Variants in GNG2 observed in about 807,000 individuals in gnomAD.
GNG2 encodes the protein G protein subunit gamma 2.
A neutral mutation model predicts 5.5 loss-of-function variants in GNG2; 5 were observed. That is an observed-to-expected ratio of 0.91 (90% CI 0.48 to 1.92). The LOEUF (loss-of-function observed/expected upper bound fraction) is 1.92. Among genes scored for constraint, GNG2 ranks in the 30% most tolerant of loss-of-function variants. The probability of loss-of-function intolerance (pLI) is 0.01; values close to 1 mark genes in which losing one functional copy is unlikely to be tolerated. For missense variants in GNG2, 55 were observed against 88.4 expected, an observed-to-expected ratio of 0.62 and a Z score of 1.52; for synonymous variants, 28 against 32.0, an observed-to-expected ratio of 0.88 and a Z score of 0.42.
At chr14:51,914,212 C>A in intron 2 of GNG2, 4 of 701,914 alleles carry the variant, frequency 5.7e-6, no homozygotes, top group Non-Finnish European at 1.0e-5. Context: ...TGGAGGCTGC[C>A]AGAAATGACT....
In GNG2 at chr14:51,840,825, CAGTT is replaced by C. The variant is rs1048834808; in HGVS notation, c.64+13024_64+13027del. Reference sequence around the variant, plus strand: ...GACAACCCCCTTCTTTCTTTTATATCAGTTAGTTATGTTAGATAAGCAAATCCCT... The same window carrying C: ...GACAACCCCCTTCTTTCTTTTATATCAGTTATGTTAGATAAGCAAATCCCT... On this transcript the variant is annotated intron_variant, in intron 2 of 3. Coordinates refer to the GNG2 transcript ENST00000553432. Among the ~76,000 whole-genome samples, 6 of 152,270 alleles carry C rather than the reference CAGTT, an allele frequency of 3.9e-5. No homozygotes were observed. In the East Asian group the frequency reaches 9.6e-4, roughly 24 times the overall value.
rs1011794044 is a variant in GNG2, at chr14:51,948,982, G to A, written c.-29-1668G>A. Among the ~76,000 whole-genome samples, 3 of 152,052 alleles carry A rather than the reference G, an allele frequency of 2.0e-5. No individual in the cohort carries two copies. In the East Asian group the frequency reaches 5.8e-4, roughly 29 times the overall value. ...TAAAAATACAAAAAATTAGCCAGGT[G>A]TGGTGGCGGGCACCTGTAGTCCCAG... On this transcript the variant is annotated intron_variant, in intron 2 of 3. Transcript: ENST00000556766.
chr14:51,890,388 A>G (rs1341868220), intron 2 of GNG2, among the ~76,000 whole-genome samples: 1 of 152,184 alleles, frequency 6.6e-6, no homozygotes, highest in Non-Finnish European at 1.5e-5. Flanking sequence ...GGTGTCATTT[A>G]GTTTAAATCT....
rs956586647 is a variant in GNG2 at position 51,928,030 on chromosome 14, T to C, written c.-29-22620T>C. On this transcript the variant is annotated intron_variant, in intron 2 of 3. Transcript: ENST00000556766. ...TTTGCCTTTCTCTCTCTCTCTCTTT[T>C]TTTTTTTTTTTTTTTTTGGAGACTG... Among the ~76,000 whole-genome samples the C allele has an allele frequency of 4.4e-4, 62 of 141,458 alleles. No homozygotes were observed. In the East Asian group the frequency reaches 6.4e-3, roughly 15 times the overall value. 92.8% of individuals were successfully genotyped at this position (141,458 alleles called of 152,430 possible).
chr14:51,951,816 A>G, intron 3 of GNG2: 1 of 690,396 alleles, frequency 1.4e-6, no homozygotes, highest in Non-Finnish European at 2.6e-6. Context: ...CTAAAACAGC[A>G]GAGTAGGGTG....
intron 1 of GNG2, among the ~76,000 whole-genome samples, chr14:51,867,125 G>A (rs1390782975): frequency 6.6e-6 from 1 of 152,098 alleles, no homozygotes; most frequent in Non-Finnish European, 1.5e-5. Context: ...CCTCTCTGCG[G>A]GCTCCAACTT....
intron 1 of GNG2, among the ~76,000 whole-genome samples, chr14:51,877,343 C>A (rs1217901970): frequency 6.6e-6 from 1 of 152,124 alleles, no homozygotes; most frequent in Non-Finnish European, 1.5e-5. Context: ...TCCTAAGTGG[C>A]CTTTGTGTTT....
chr14:51,845,924 C>A (rs531833460), intron 2 of GNG2, among the ~76,000 whole-genome samples: 1 of 152,064 alleles, frequency 6.6e-6, no homozygotes, highest in Admixed American at 6.5e-5. Flanking sequence ...GCTCTGTAGT[C>A]CCCCGGGCAC....
chr14:51,950,678 G>T lies in GNG2; in HGVS notation c.-1G>T. ...TTCTGAAAGATCTATCCAGCACTCC[G>T]ATGGCCAGCAACAACACCGCCAGCA... On this transcript the variant is annotated 5_prime_UTR_variant, in exon 3 of 4. Transcript: ENST00000556766. 6.2e-7 allele frequency: 1 copy of T among 1,609,638 alleles called. No individual in the cohort carries two copies. The highest frequency in any genetic ancestry group is 8.5e-7 in the Non-Finnish European group (1 of 1,177,426).
Position 51,968,776 on chromosome 14 carries a change from G to A in GNG2, c.*2089G>A, listed in dbSNP as rs1314221706. 7 of 152,156 alleles carry A rather than the reference G, an allele frequency of 4.6e-5. No homozygotes were observed. The highest frequency in any genetic ancestry group is 4.1e-4 in the South Asian group (2 of 4,828). 9.4% of individuals were successfully genotyped at this position (152,156 alleles called of 1,614,324 possible). Reference sequence around the variant, plus strand: ...TGAGTATGTGGTCACATGAAAACACGGATGAATGAATAAAACACTCTTTGG... The same window carrying A: ...TGAGTATGTGGTCACATGAAAACACAGATGAATGAATAAAACACTCTTTGG... On this transcript the variant is annotated 3_prime_UTR_variant, in exon 4 of 4. Coordinates refer to ENST00000556766, the MANE Select transcript of GNG2 (RefSeq NM_053064.5).
chr14:51,832,314 A>G (rs12323788), intron 2 of GNG2, among the ~76,000 whole-genome samples: 75,487 of 151,644 alleles, frequency 0.5, 19,424 homozygotes, highest in Middle Eastern at 0.57. Context: ...AAAAGATGGC[A>G]AAGCTATTTC....
At chr14:51,896,679 G>A (rs577228603) in intron 2 of GNG2, among the ~76,000 whole-genome samples, 2 of 152,258 alleles carry the variant, frequency 1.3e-5, no homozygotes, top group African/African-American at 4.8e-5. Flanking sequence ...ATTTTACTTA[G>A]AAGGGAGTAT....
At chr14:51,936,515 CTT>C (rs35156219) in intron 2 of GNG2, among the ~76,000 whole-genome samples, 19 of 140,752 alleles carry the variant, frequency 1.3e-4, no homozygotes, top group East Asian at 2.1e-4. Context: ...GGCACACTAA[CTT>C]TTTTTTTTTT....
intron 2 of GNG2, among the ~76,000 whole-genome samples, chr14:51,931,116 A>G (rs1219964479): frequency 1.3e-5 from 2 of 152,122 alleles, no homozygotes; most frequent in Non-Finnish European, 2.9e-5. Flanking sequence ...AAACAAAAGA[A>G]CAGGAAAGAG....
chr14:51,844,942 G>C (rs1881581935), intron 2 of GNG2, among the ~76,000 whole-genome samples: 1 of 151,922 alleles, frequency 6.6e-6, no homozygotes. Flanking sequence ...GGGCAGGCTG[G>C]TCTCAAACTC....
intron 2 of GNG2, among the ~76,000 whole-genome samples, chr14:51,946,276 A>C (rs543294234): frequency 4.8e-4 from 73 of 152,328 alleles, no homozygotes; most frequent in African/African-American, 1.7e-3. Flanking sequence ...ATTGTGGACC[A>C]CGGTCATGGA....
intron 2 of GNG2, among the ~76,000 whole-genome samples, chr14:51,894,888 T>G (rs1253077766): frequency 6.6e-6 from 1 of 152,148 alleles, no homozygotes; most frequent in African/African-American, 2.4e-5. Flanking sequence ...GATAGCCTTC[T>G]TCATAGTAAA....
chr14:51,866,146 C>A (rs1882867455), intron 1 of GNG2, among the ~76,000 whole-genome samples: 1 of 152,150 alleles, frequency 6.6e-6, no homozygotes, highest in Non-Finnish European at 1.5e-5. Context: ...TGTTCCCTGG[C>A]CTTCCCTTGC....
In GNG2 at chr14:51,842,623, G is replaced by T. The variant is rs189111676; in HGVS notation, c.64+14816G>T. Among the ~76,000 whole-genome samples the T allele has an allele frequency of 3.3e-5, 5 of 152,082 alleles. No individual in the cohort carries two copies. In the East Asian group the frequency reaches 9.7e-4, roughly 29 times the overall value. On this transcript the variant is annotated intron_variant, in intron 2 of 3. Coordinates refer to the GNG2 transcript ENST00000553432. ...TTGGTTGGCCTATGTTACCACAAAT[G>T]GCCTGTGTGTGACCCTTTTTCAGAG...
Sources: gnomAD v4.1 joint callset for allele counts (sites outside exome capture counted in the v4.1 genomes callset) on GRCh38, gnomAD v4.1.1 for gene constraint, MANE v1.5 for transcripts, NCBI Gene and HGNC (gene_info 2026-07-23, HGNC 2026-07-21) for gene names.